Variants in DBX2 observed in about 807,000 individuals in gnomAD.
The protein encoded by DBX2 is developing brain homeobox 2, also known as homeobox protein DBX2.
Under a neutral mutation model 17.7 loss-of-function variants are expected in DBX2, and 16 were observed. The ratio of observed to expected loss-of-function variants is 0.90; its 90% CI spans 0.61 to 1.37. The LOEUF is 1.37. Among genes scored for constraint, DBX2 ranks in the 40% most tolerant of loss-of-function variants. DBX2 has a pLI of 0.00. For synonymous variants in DBX2, 255 were observed against 183.8 expected, an observed-to-expected ratio of 1.39 and a Z score of -3.13; for missense variants, 538 against 433.8, an observed-to-expected ratio of 1.24 and a Z score of -2.13.
At chr12:45,040,438 C>A (rs1036599937) in intron 1 of DBX2, among the ~76,000 whole-genome samples, 12 of 152,056 alleles carry the variant, frequency 7.9e-5, no homozygotes, top group African/African-American at 2.9e-4. Context: ...GATACACCTA[C>A]CAATCAAGCT....
intron 2 of DBX2, 94 bp from the exon 3 acceptor site, chr12:45,023,988 A>G: frequency 1.6e-6 from 2 of 1,230,206 alleles, no homozygotes; most frequent in East Asian, 2.7e-5. Context: ...ACTTTGTACT[A>G]TGGCCAAATG....
At position 45,050,562 on chromosome 12, in the gene DBX2, C is replaced by T. The variant is rs953162396; in HGVS notation, c.366G>A (p.Pro122=). 9 of 1,552,662 alleles carry T rather than the reference C, an allele frequency of 5.8e-6. No individual in the cohort carries two copies. Among genetic ancestry groups the T allele is most frequent in the East Asian group, 2.4e-5 (1 of 41,084 alleles). ...GCTGGAAGGTACAGTCTCGGTCCCC[C>T]GGAGCCCGGCCCGGCAGCCTCGCAC... The part of the protein sequence containing the change: ...ADSARLPGRA[P]GDRDCTFQPS... Residue 122 remains proline, a synonymous_variant, in exon 1 of 4, where the codon CCG becomes CCA. Transcript: ENST00000332700.
chr12:45,015,886 A>G lies in DBX2; in HGVS notation c.*400T>C, dbSNP rs1946320423. The G allele has an allele frequency of 6.4e-6, 1 of 155,046 alleles. No individual in the cohort carries two copies. The highest frequency in any genetic ancestry group is 2.1e-4 in the South Asian group (1 of 4,868). 9.6% of individuals were successfully genotyped at this position (155,046 alleles called of 1,614,324 possible). On this transcript the variant is annotated 3_prime_UTR_variant, in exon 4 of 4. Transcript: ENST00000332700. ...TCAAAAAGTTAATAACATTCTGTCA[A>G]TGGTAGTTTTCTTCACATAAAAGGA...
At chr12:45,037,842 G>A (rs1380219259) in intron 1 of DBX2, among the ~76,000 whole-genome samples, 1 of 151,954 alleles carries the variant, frequency 6.6e-6, no homozygotes, top group Admixed American at 6.6e-5. Flanking sequence ...ATGGGAAGTT[G>A]TTAACATTAA....
At chr12:45,034,178 T>C (rs1946423678) in intron 2 of DBX2, among the ~76,000 whole-genome samples, 1 of 151,842 alleles carries the variant, frequency 6.6e-6, no homozygotes. Context: ...TACATGGAAT[T>C]TTTTGTCCAT....
chr12:45,026,154 T>C (rs1404530406), intron 2 of DBX2, among the ~76,000 whole-genome samples: 2 of 152,082 alleles, frequency 1.3e-5, no homozygotes, highest in Non-Finnish European at 2.9e-5. Flanking sequence ...GAGTAGCAGG[T>C]GCCTCTTTTT....
intron 2 of DBX2, among the ~76,000 whole-genome samples, chr12:45,027,245 C>A (rs927413743): frequency 6.6e-6 from 1 of 152,176 alleles, no homozygotes; most frequent in Non-Finnish European, 1.5e-5. Flanking sequence ...TACTTCACTT[C>A]CCATTGTTGT....
At chr12:45,045,481 G>A (rs1175153661) in intron 1 of DBX2, among the ~76,000 whole-genome samples, 1 of 152,208 alleles carries the variant, frequency 6.6e-6, no homozygotes, top group Non-Finnish European at 1.5e-5. Context: ...CATGGATGTT[G>A]TGTCCTTCAC....
chr12:45,038,723 T>C (rs149200936), intron 1 of DBX2, among the ~76,000 whole-genome samples: 2 of 143,426 alleles, frequency 1.4e-5, no homozygotes, highest in Non-Finnish European at 2.9e-5. Context: ...ATTTTAAAAA[T>C]GGATGGTTTA....
intron 2 of DBX2, among the ~76,000 whole-genome samples, chr12:45,034,963 C>T (rs748302272): frequency 2.6e-5 from 4 of 152,184 alleles, no homozygotes; most frequent in Non-Finnish European, 4.4e-5. Context: ...CGATTGGTCA[C>T]GGGTCTGTCA....
intron 3 of DBX2, among the ~76,000 whole-genome samples, chr12:45,023,499 C>G (rs943306011): frequency 1.3e-5 from 2 of 152,178 alleles, no homozygotes; most frequent in Admixed American, 1.3e-4. Flanking sequence ...CATCTCCACC[C>G]ACTAAAAAAT....
rs926880975 is a variant in DBX2 at position 45,016,622 on chromosome 12, T to G, written c.688-4A>C. On this transcript the variant is annotated splice_region_variant and splice_polypyrimidine_tract_variant and intron_variant, in intron 3 of 3. Transcript: ENST00000332700. ...TGTTCTGAAACCAAATTTTCACCTA[T>G]TGACAAAATAATTGCACAAAATGAT... 6.6e-7 allele frequency: 1 copy of G among 1,518,124 alleles called. No homozygotes were observed. The highest frequency in any genetic ancestry group is 1.4e-5 in the African/African-American group (1 of 71,642). 94.0% of individuals were successfully genotyped at this position (1,518,124 alleles called of 1,614,324 possible).
rs1946366301 is a variant in DBX2 at position 45,023,861 on chromosome 12, T to C, written c.533A>G (p.Asp178Gly). ...EESMLPLLTQDSNSKARRGIL... is the reference protein window; with the variant it reads ...EESMLPLLTQGSNSKARRGIL... ...GCCCCTCCGAGCTTTGGAATTAGAG[T>C]CCTGTGTCAGGAGAGGCAGCATGCT... The change falls in exon 3 of 4, where the codon GAC becomes GGC. Residue 178 changes from aspartate to glycine, a missense_variant. Coordinates refer to ENST00000332700, the MANE Select transcript of DBX2 (RefSeq NM_001004329.3). The C allele has an allele frequency of 6.3e-7, 1 of 1,590,836 alleles. No homozygotes were observed. Among genetic ancestry groups the C allele is most frequent in the Admixed American group, 1.8e-5 (1 of 56,186 alleles).
intron 1 of DBX2, among the ~76,000 whole-genome samples, chr12:45,046,481 A>G (rs901136366): frequency 1.3e-5 from 2 of 152,180 alleles, no homozygotes; most frequent in South Asian, 2.1e-4. Context: ...TAATTTGTCA[A>G]AATGAATCTA....
intron 2 of DBX2, among the ~76,000 whole-genome samples, chr12:45,032,051 A>T (rs1946413604): frequency 6.7e-6 from 1 of 149,754 alleles, no homozygotes; most frequent in Admixed American, 6.6e-5. Context: ...ATTTGGGGAG[A>T]AAAGGAACTC....
At chr12:45,027,143 T>C (rs937656601) in intron 2 of DBX2, among the ~76,000 whole-genome samples, 1 of 152,240 alleles carries the variant, frequency 6.6e-6, no homozygotes, top group African/African-American at 2.4e-5. Flanking sequence ...ATTTGGTCTC[T>C]TCCAGCTGAT....
chr12:45,025,673 T>C (rs768113134), intron 2 of DBX2, among the ~76,000 whole-genome samples: 1 of 150,498 alleles, frequency 6.6e-6, no homozygotes. Flanking sequence ...CTATGTAACA[T>C]AGCACCAGAA....
rs767907435 is a variant in DBX2, at chr12:45,050,958, C to G, written c.-31G>C. The G allele has an allele frequency of 2.9e-6, 4 of 1,387,972 alleles. No homozygotes were observed. The highest frequency in any genetic ancestry group is 3.7e-6 in the Non-Finnish European group (4 of 1,071,352). 86.0% of individuals were successfully genotyped at this position (1,387,972 alleles called of 1,614,324 possible). On this transcript the variant is annotated 5_prime_UTR_variant, in exon 1 of 4. Transcript: ENST00000332700. ...GGCGCCAACCGGTCTGCTGCGCGCC[C>G]GCCTTGCGCCCGCCTGTCGCCCGGG...
chr12:45,018,796 A>T (rs1410083666), intron 3 of DBX2, among the ~76,000 whole-genome samples: 1 of 152,108 alleles, frequency 6.6e-6, no homozygotes, highest in Non-Finnish European at 1.5e-5. Flanking sequence ...CATACAAAGG[A>T]ATACTATTCA....
Sources: gnomAD v4.1 joint callset for allele counts (sites outside exome capture counted in the v4.1 genomes callset) on GRCh38, gnomAD v4.1.1 for gene constraint, MANE v1.5 for transcripts, NCBI Gene and HGNC (gene_info 2026-07-23, HGNC 2026-07-21) for gene names.